Variants in RSPH1 observed in about 807,000 individuals in gnomAD.
The protein encoded by RSPH1 is radial spoke head component 1, also known as radial spoke head 1 homolog.
Under a neutral mutation model 44.2 loss-of-function variants are expected in RSPH1, and 32 were observed. The observed-to-expected ratio is 0.72, with a 90% CI of 0.55 to 0.97. The LOEUF is 0.97. Ranked by LOEUF, RSPH1 falls within the 50% of genes least tolerant of loss-of-function variation. The probability of loss-of-function intolerance (pLI) is 0.00; values close to 1 mark genes in which losing one functional copy is unlikely to be tolerated. For synonymous variants in RSPH1, 134 were observed against 147.3 expected, an observed-to-expected ratio of 0.91 and a Z score of 0.65; for missense variants, 391 against 398.7, an observed-to-expected ratio of 0.98 and a Z score of 0.16.
chr21:42,477,571 C>T (rs1188050484), intron 6 of RSPH1, 127 bp from the exon 7 acceptor site: 40 of 908,220 alleles, frequency 4.4e-5, no homozygotes, highest in Middle Eastern at 3.0e-4. Flanking sequence ...CTTTTTAGGA[C>T]GTCACTCAGG....
rs776206326 is a variant in RSPH1, at chr21:42,486,366, C to T, written c.365+5G>A. 9.3e-6 allele frequency: 15 copies of T among 1,605,690 alleles called. No homozygotes were observed. The highest frequency in any genetic ancestry group is 1.6e-4 in the Middle Eastern group (1 of 6,066). ...TCCCGTTAAGACCCAAGATAGAAAC[C>T]GAACCTTTGATGAGCAAACCACTCT... On this transcript the variant is annotated splice_donor_5th_base_variant and intron_variant, in intron 4 of 8. Transcript: ENST00000291536.
chr21:42,472,913 T>C (rs377330634), intron 8 of RSPH1, 43 bp from the exon 9 acceptor site: 24 of 1,435,560 alleles, frequency 1.7e-5, no homozygotes, highest in Non-Finnish European at 2.2e-5. Flanking sequence ...ATATTTACTT[T>C]GTTCTATTTT....
At chr21:42,485,275 C>T (rs1161631021) in intron 5 of RSPH1, 1 of 178,544 alleles carries the variant, frequency 5.6e-6, no homozygotes, top group African/African-American at 2.4e-5. Flanking sequence ...AGGGATGTCG[C>T]ACCTCCCCTT....
At chr21:42,495,131 T>C (rs1054467952) in intron 1 of RSPH1, among the ~76,000 whole-genome samples, 1 of 152,240 alleles carries the variant, frequency 6.6e-6, no homozygotes, top group Non-Finnish European at 1.5e-5. Context: ...ACAGGGACTC[T>C]GGGGGCATCA....
At position 42,474,595 on chromosome 21, in the gene RSPH1, C is replaced by T. The variant is rs1601622152; in HGVS notation, c.877+1303G>A. The stretch of plus-strand genomic sequence containing the variant: ...ATGCTGCTGTAACACTGTGCATACT[C>T]TAGCCACTCAGTCCTAACAGAATCC... On this transcript the variant is annotated intron_variant, in intron 8 of 8. Coordinates refer to ENST00000291536, the MANE Select transcript of RSPH1 (RefSeq NM_080860.4). This position sits in a 1 kb window ranked among gnomAD's most constrained non-coding sequence, Gnocchi z 5.2. Among the ~76,000 whole-genome samples the T allele has an allele frequency of 6.6e-6, 1 of 152,258 alleles. No individual in the cohort carries two copies. Among genetic ancestry groups the T allele is most frequent in the Admixed American group, 6.5e-5 (1 of 15,284 alleles).
In RSPH1 at chr21:42,477,364, G is replaced by C; in HGVS notation, c.654C>G (p.Ala218=). The C allele has an allele frequency of 1.2e-6, 2 of 1,609,988 alleles. No individual in the cohort carries two copies. The highest frequency in any genetic ancestry group is 1.7e-6 in the Non-Finnish European group (2 of 1,178,388). ...TTTTGGGGAGAGTTGGTGTCCACAG[G>C]GCCAATTCAGTGATTTGGGTAGCTT... ...KWKATQITEL[A]LWTPTLPKKP... Residue 218 remains alanine, a synonymous_variant, in exon 7 of 9, where the codon GCC becomes GCG. Coordinates refer to ENST00000291536, the MANE Select transcript of RSPH1 (RefSeq NM_080860.4).
intron 6 of RSPH1, among the ~76,000 whole-genome samples, chr21:42,480,343 T>TA (rs1017914486): frequency 2.0e-5 from 3 of 152,226 alleles, no homozygotes; most frequent in East Asian, 1.9e-4. Flanking sequence ...TGAGAAAAGT[T>TA]AAAAAACTGT....
intron 2 of RSPH1, 23 bp downstream of exon 2, chr21:42,492,943 C>G: frequency 1.2e-6 from 2 of 1,604,844 alleles, no homozygotes; most frequent in Non-Finnish European, 1.7e-6. Context: ...AGAAAACCAT[C>G]CAGTCAAGTC....
At chr21:42,478,111 C>T (rs535443632) in intron 6 of RSPH1, among the ~76,000 whole-genome samples, 14 of 152,324 alleles carry the variant, frequency 9.2e-5, no homozygotes, top group Admixed American at 2.0e-4. Flanking sequence ...TGTACAATTC[C>T]GACAATGGTG....
chr21:42,472,540 C>T lies in RSPH1; in HGVS notation c.*278G>A, dbSNP rs369568624. The T allele has an allele frequency of 2.2e-5, 6 of 278,174 alleles. No homozygotes were observed. In the South Asian group the frequency reaches 5.1e-4, roughly 24 times the overall value. The allele number at this position is 278,174 out of a possible 1,614,324, so 17.2% of individuals were successfully genotyped here. The stretch of plus-strand genomic sequence containing the variant: ...TATTTGCATTTGTCAATCAACTTAA[C>T]ATACAGCTGAGAAAGAAAGACTAAA... On this transcript the variant is annotated 3_prime_UTR_variant, in exon 9 of 9. Coordinates refer to ENST00000291536, the MANE Select transcript of RSPH1 (RefSeq NM_080860.4).
rs751078674 is a variant in RSPH1, at chr21:42,472,824, C to T, written c.924G>A (p.Gln308=). 18 of 1,610,198 alleles carry T rather than the reference C, an allele frequency of 1.1e-5. No homozygotes were observed. The East Asian group carries it at 4.0e-4, about 36-fold the overall frequency. Residue 308 remains glutamine (Q), a synonymous_variant, in exon 9 of 9, where the codon CAG becomes CAA. Transcript: ENST00000291536. ...EEEETRQSDL[Q]D ...CCTCTCGGCTCACTTCATCTTAGTC[C>T]TGGAGGTCTGACTGTCTAGTTTCTT...
chr21:42,475,669 C>T (rs2054039335), intron 8 of RSPH1, among the ~76,000 whole-genome samples: 1 of 141,314 alleles, frequency 7.1e-6, no homozygotes, highest in Non-Finnish European at 1.5e-5. Context: ...CGCGCATGGG[C>T]ACCGCTGCAC....
intron 4 of RSPH1, 35 bp from the exon 5 acceptor site, chr21:42,485,839 C>T (rs781627409): frequency 1.9e-6 from 3 of 1,612,946 alleles, no homozygotes; most frequent in Non-Finnish European, 1.7e-6. Context: ...TATTTCGTTC[C>T]AGCACAGTGA....
Position 42,477,313 on chromosome 21 carries a change from G to A in RSPH1, c.705C>T (p.Gly235=), listed in dbSNP as rs779232968. Residue 235 remains glycine (G), a synonymous_variant, in exon 7 of 9, where the codon GGC becomes GGT. Coordinates refer to ENST00000291536, the MANE Select transcript of RSPH1 (RefSeq NM_080860.4). The stretch of plus-strand genomic sequence containing the variant: ...CACTCTCAGCTCCTGGAGCGTCTTG[G>A]CCAGGTCCATCCGTAGAGGTCGGCT... ...PKKPTSTDGP[G]QDAPGAESAG... 1.4e-5 allele frequency: 23 copies of A among 1,613,964 alleles called. No individual in the cohort carries two copies. Among genetic ancestry groups the A allele is most frequent in the South Asian group, 7.7e-5 (7 of 91,084 alleles).
chr21:42,475,567 CAA>C (rs549479473), intron 8 of RSPH1, among the ~76,000 whole-genome samples: 21 of 112,060 alleles, frequency 1.9e-4, no homozygotes, highest in Admixed American at 1.9e-4. Context: ...GACTCCATCT[CAA>C]AAAAAAAAAA....
intron 5 of RSPH1, among the ~76,000 whole-genome samples, chr21:42,483,760 AT>A (rs1187898804): frequency 3.3e-5 from 5 of 151,584 alleles, no homozygotes; most frequent in Non-Finnish European, 5.9e-5. Flanking sequence ...ATTCATCTAC[AT>A]TTTTTTTCTA....
At chr21:42,487,115 C>T (rs192078852) in intron 3 of RSPH1, among the ~76,000 whole-genome samples, 7 of 152,312 alleles carry the variant, frequency 4.6e-5, no homozygotes, top group African/African-American at 1.7e-4. Context: ...TCCTCACCTC[C>T]ATACGGCTTC....
chr21:42,477,306 C>A lies in RSPH1; in HGVS notation c.712G>T (p.Ala238Ser). The A allele has an allele frequency of 6.2e-7, 1 of 1,614,014 alleles. No individual in the cohort carries two copies. The highest frequency in any genetic ancestry group is 1.1e-5 in the South Asian group (1 of 91,072). ...PTSTDGPGQD[A>S]PGAESAGEPG... is the part of the protein sequence containing the mutation. ...TGCCCCACACTCTCAGCTCCTGGAG[C>A]GTCTTGGCCAGGTCCATCCGTAGAG... The change falls in exon 7 of 9, where the codon GCT becomes TCT. Residue 238 changes from alanine (A) to serine (S), a missense_variant. Coordinates refer to ENST00000291536, the MANE Select transcript of RSPH1 (RefSeq NM_080860.4).
intron 5 of RSPH1, among the ~76,000 whole-genome samples, chr21:42,484,063 C>T (rs2054156264): frequency 6.6e-6 from 1 of 151,922 alleles, no homozygotes; most frequent in Non-Finnish European, 1.5e-5. Context: ...ATAACTTGTC[C>T]ACAAGGACAT....
Sources: allele counts gnomAD v4.1 joint callset (sites outside exome capture counted in the v4.1 genomes callset), GRCh38; gene constraint gnomAD v4.1.1; non-coding constraint Gnocchi (gnomAD v3.1); transcripts MANE v1.5; gene names NCBI Gene and HGNC (gene_info 2026-07-23, HGNC 2026-07-21).